UNC5D: variants seen among roughly 807,000 people sequenced by gnomAD.
UNC5D encodes the protein unc-5 netrin receptor D.
UNC5D carries 39 observed loss-of-function variants against 105.4 expected under a neutral mutation model. That is an observed-to-expected ratio of 0.37 (90% confidence interval 0.29 to 0.48). The LOEUF (loss-of-function observed/expected upper bound fraction) is 0.48, where lower values mean the gene tolerates loss of function less well. Ranked by LOEUF, UNC5D falls within the 20% of genes least tolerant of loss-of-function variation. UNC5D has a pLI of 0.98. For missense variants in UNC5D, 991 were observed against 1,202.4 expected (o/e 0.82, Z 2.60); for synonymous variants, 452 against 450.4 (o/e 1.00, Z -0.04).
intron 1 of UNC5D, among the ~76,000 whole-genome samples, chr8:35,442,904 TCA>T (rs373759766): frequency 0.12 from 16,209 of 140,762 alleles, 950 homozygotes; most frequent in African/African-American, 0.17. Flanking sequence ...TCTCTCTCTC[TCA>T]CACACACACA....
intron 11 of UNC5D, among the ~76,000 whole-genome samples, chr8:35,741,307 G>T (rs957426700): frequency 1.3e-5 from 2 of 152,148 alleles, no homozygotes; most frequent in Admixed American, 1.3e-4. Flanking sequence ...TCATTCCAGT[G>T]TGTATATAAT....
At chr8:35,242,296 G>A (rs1186319861) in intron 1 of UNC5D, among the ~76,000 whole-genome samples, 2 of 152,102 alleles carry the variant, frequency 1.3e-5, no homozygotes, top group Non-Finnish European at 1.5e-5. Flanking sequence ...AGTCAGAGGG[G>A]AAATGACATC....
chr8:35,567,296 T>C (rs1006562956), intron 2 of UNC5D, among the ~76,000 whole-genome samples: 3 of 152,122 alleles, frequency 2.0e-5, no homozygotes, highest in African/African-American at 2.4e-5. Context: ...AAGCAAAAAA[T>C]GTTTTAAGTG....
chr8:35,297,212 C>G (rs749874864), intron 1 of UNC5D, among the ~76,000 whole-genome samples: 4 of 152,130 alleles, frequency 2.6e-5, no homozygotes, highest in Non-Finnish European at 4.4e-5. Flanking sequence ...TTTTATATCT[C>G]TCACTTTCCT....
chr8:35,698,654 C>A (rs544445381), intron 7 of UNC5D, among the ~76,000 whole-genome samples: 1 of 152,078 alleles, frequency 6.6e-6, no homozygotes, highest in African/African-American at 2.4e-5. Context: ...TTTATCCATT[C>A]ATTTGTCAAC....
intron 11 of UNC5D, among the ~76,000 whole-genome samples, chr8:35,745,206 A>G (rs1829942690): frequency 6.6e-6 from 1 of 152,176 alleles, no homozygotes; most frequent in Non-Finnish European, 1.5e-5. Flanking sequence ...TAGTATTGGG[A>G]ATGTTGCAAT....
At chr8:35,394,303 A>G in intron 1 of UNC5D, among the ~76,000 whole-genome samples, 1 of 152,226 alleles carries the variant, frequency 6.6e-6, no homozygotes, top group East Asian at 1.9e-4. Flanking sequence ...GTTGCAGAAC[A>G]GTAAAATTCT....
chr8:35,459,363 G>A (rs1393850769), intron 1 of UNC5D, among the ~76,000 whole-genome samples: 3 of 152,132 alleles, frequency 2.0e-5, no homozygotes, highest in Non-Finnish European at 4.4e-5. Flanking sequence ...GGAAAAGCAG[G>A]CTAATAACAT....
chr8:35,337,656 GTT>G (rs1283207031), intron 1 of UNC5D, among the ~76,000 whole-genome samples: 1 of 151,844 alleles, frequency 6.6e-6, no homozygotes, highest in Non-Finnish European at 1.5e-5. Flanking sequence ...TAGCTGGAAT[GTT>G]TTCTCTCAAG....
intron 1 of UNC5D, among the ~76,000 whole-genome samples, chr8:35,464,081 C>G (rs1809116694): frequency 6.6e-6 from 1 of 152,128 alleles, no homozygotes; most frequent in Admixed American, 6.6e-5. Flanking sequence ...AATCCCAGCA[C>G]TTTGGGAGGC....
At chr8:35,523,326 T>C (rs184723317) in intron 1 of UNC5D, among the ~76,000 whole-genome samples, 2 of 152,188 alleles carry the variant, frequency 1.3e-5, no homozygotes, top group African/African-American at 4.8e-5. Context: ...TAAGCGTTCT[T>C]CCCACTTCGA....
chr8:35,731,040 C>T lies in UNC5D; in HGVS notation c.1710C>T (p.Ala570=). The change falls in exon 11 of 17, where the codon GCC becomes GCT. Residue 570 remains alanine, a synonymous_variant. Coordinates refer to ENST00000404895, the MANE Select transcript of UNC5D (RefSeq NM_080872.4). ...TGAGCTTACTCATACCACACGGTGC[C>T]ATCCCAGAGGAGAATTCTTGGGAGA... ...TGVSLLIPHG[A]IPEENSWEIY... 6.2e-7 allele frequency: 1 copy of T among 1,613,902 alleles called. No individual in the cohort carries two copies. Among genetic ancestry groups the T allele is most frequent in the Non-Finnish European group, 8.5e-7 (1 of 1,179,884 alleles).
At chr8:35,399,197 A>G (rs574827647) in intron 1 of UNC5D, among the ~76,000 whole-genome samples, 371 of 150,150 alleles carry the variant, frequency 2.5e-3, no homozygotes, top group African/African-American at 8.8e-3. Flanking sequence ...AATTCCTCTC[A>G]CCATTGGAGG....
chr8:35,728,562 A>G (rs1343709483), intron 10 of UNC5D, among the ~76,000 whole-genome samples: 1 of 152,228 alleles, frequency 6.6e-6, no homozygotes, highest in Non-Finnish European at 1.5e-5. Context: ...AATAAGTTTG[A>G]TGTAAAATAA....
intron 15 of UNC5D, among the ~76,000 whole-genome samples, chr8:35,770,830 T>C (rs897665781): frequency 3.9e-5 from 6 of 152,220 alleles, no homozygotes; most frequent in Non-Finnish European, 8.8e-5. Flanking sequence ...TGGGGGATAA[T>C]TTGTCTGTTA....
At chr8:35,390,978 G>A (rs1803733856) in intron 1 of UNC5D, among the ~76,000 whole-genome samples, 1 of 152,234 alleles carries the variant, frequency 6.6e-6, no homozygotes, top group Non-Finnish European at 1.5e-5. Flanking sequence ...CACACTGGGA[G>A]CTTTCTTGTT....
intron 4 of UNC5D, among the ~76,000 whole-genome samples, chr8:35,682,827 C>T (rs1825758224): frequency 6.6e-6 from 1 of 152,112 alleles, no homozygotes; most frequent in African/African-American, 2.4e-5. Context: ...GAAAACACAT[C>T]CGAAATGGGA....
intron 9 of UNC5D, 98 bp downstream of exon 9, chr8:35,722,493 C>T: frequency 6.9e-7 from 1 of 1,450,468 alleles, no homozygotes; most frequent in Non-Finnish European, 9.2e-7. Context: ...GAAGGTAGCT[C>T]TTGGCACTGG....
chr8:35,740,186 G>A (rs544344477), intron 11 of UNC5D, among the ~76,000 whole-genome samples: 6 of 152,274 alleles, frequency 3.9e-5, no homozygotes, highest in East Asian at 1.9e-4. Flanking sequence ...GAGATGTCAC[G>A]TCCTAGTTCC....
Sources: gnomAD v4.1 joint callset for allele counts (sites outside exome capture counted in the v4.1 genomes callset) on GRCh38, gnomAD v4.1.1 for gene constraint, MANE v1.5 for transcripts, NCBI Gene and HGNC (gene_info 2026-07-23, HGNC 2026-07-21) for gene names.